The following GRM5 variants were observed in gnomAD, a reference collection of about 807,000 sequenced individuals.
The protein encoded by GRM5 is metabotropic glutamate receptor 5.
In GRM5, 19 loss-of-function variants were observed where a neutral mutation model predicts 83.1. The ratio of observed to expected loss-of-function variants is 0.23; its 90% CI spans 0.16 to 0.34. The LOEUF is 0.34. GRM5 is among the 10% of genes least tolerant of loss of function. The pLI, the probability that GRM5 is intolerant of heterozygous loss-of-function variation, is 1.00. For synonymous variants in GRM5, 675 were observed against 633.6 expected, an observed-to-expected ratio of 1.07 and a Z score of -0.98; for missense variants, 1,160 against 1,588.3, an observed-to-expected ratio of 0.73 and a Z score of 4.58.
At chr11:88,850,245 A>G in intron 2 of GRM5, 90 bp from the exon 3 acceptor site, 1 of 747,062 alleles carries the variant, frequency 1.3e-6, no homozygotes, top group East Asian at 2.6e-5. Flanking sequence ...TAGGAGCATG[A>G]AAGTCATTGG....
At chr11:88,572,044 G>A in intron 7 of GRM5, among the ~76,000 whole-genome samples, 1 of 152,182 alleles carries the variant, frequency 6.6e-6, no homozygotes, top group South Asian at 2.1e-4. Context: ...TAGCAATACT[G>A]TTAACTAAGA....
intron 2 of GRM5, among the ~76,000 whole-genome samples, chr11:89,008,793 G>A (rs575149519): frequency 6.6e-6 from 1 of 152,166 alleles, no homozygotes; most frequent in African/African-American, 2.4e-5. Flanking sequence ...CCATCCATAA[G>A]TAATGATTTA....
chr11:88,865,722 A>G (rs564973286), intron 2 of GRM5, among the ~76,000 whole-genome samples: 4 of 152,048 alleles, frequency 2.6e-5, no homozygotes, highest in African/African-American at 7.2e-5. Flanking sequence ...AGAAAAAAAA[A>G]CAACCCCATG....
intron 8 of GRM5, among the ~76,000 whole-genome samples, chr11:88,565,196 G>C (rs967667424): frequency 3.3e-5 from 5 of 152,196 alleles, no homozygotes; most frequent in African/African-American, 4.8e-5. Context: ...GCTAAGTGAT[G>C]CTGCCAGTAT....
intron 5 of GRM5, among the ~76,000 whole-genome samples, chr11:88,603,742 C>T (rs1938064176): frequency 6.6e-6 from 1 of 152,140 alleles, no homozygotes; most frequent in Admixed American, 6.5e-5. Flanking sequence ...TAAGCTCCAG[C>T]TCATCTTAGA....
At chr11:88,671,696 T>A (rs1940197899) in intron 3 of GRM5, among the ~76,000 whole-genome samples, 1 of 152,068 alleles carries the variant, frequency 6.6e-6, no homozygotes, top group South Asian at 2.1e-4. Context: ...CATATTCCAC[T>A]TACATAAAAT....
intron 3 of GRM5, among the ~76,000 whole-genome samples, chr11:88,796,818 C>T (rs1365611748): frequency 6.6e-6 from 1 of 151,688 alleles, no homozygotes; most frequent in Non-Finnish European, 1.5e-5. Context: ...ATATTGTTCT[C>T]TAGGGAAGAT....
chr11:88,874,869 T>C (rs1470540013), intron 2 of GRM5, among the ~76,000 whole-genome samples: 1 of 151,900 alleles, frequency 6.6e-6, no homozygotes, highest in African/African-American at 2.4e-5. Context: ...TGCTATAACA[T>C]TAGGTTTAAA....
At chr11:88,698,786 G>T (rs920081505) in intron 3 of GRM5, among the ~76,000 whole-genome samples, 2 of 152,152 alleles carry the variant, frequency 1.3e-5, no homozygotes, top group Admixed American at 6.6e-5. Context: ...TCTTGGCATT[G>T]CTCCTGGTAC....
intron 2 of GRM5, among the ~76,000 whole-genome samples, chr11:88,979,875 C>G (rs1939470260): frequency 6.6e-6 from 1 of 151,838 alleles, no homozygotes; most frequent in Admixed American, 6.6e-5. Context: ...TTTTTAAACA[C>G]TGTTGCTGTT....
chr11:88,596,617 C>G (rs1198375998), intron 6 of GRM5, among the ~76,000 whole-genome samples: 1 of 152,050 alleles, frequency 6.6e-6, no homozygotes, highest in Non-Finnish European at 1.5e-5. Context: ...TGTTCTCTCC[C>G]TGAAATCATA....
chr11:88,963,794 G>T (rs560684264), intron 2 of GRM5, among the ~76,000 whole-genome samples: 18 of 152,158 alleles, frequency 1.2e-4, no homozygotes, highest in South Asian at 2.1e-4. Flanking sequence ...AGTAAGAGAG[G>T]CTGTGAAGAT....
intron 2 of GRM5, among the ~76,000 whole-genome samples, chr11:88,980,301 A>C (rs1939481072): frequency 6.6e-6 from 1 of 152,198 alleles, no homozygotes; most frequent in Non-Finnish European, 1.5e-5. Flanking sequence ...AACAAAAAAT[A>C]AATTATATCT....
At chr11:88,643,633 G>A (rs1354411) in intron 4 of GRM5, among the ~76,000 whole-genome samples, 125,268 of 152,128 alleles carry the variant, frequency 0.82, 54,093 homozygotes, top group Non-Finnish European at 0.97. Context: ...TTAATGTGGT[G>A]CAAGGATGAG....
chr11:88,992,337 G>C (rs1209614199), intron 2 of GRM5, among the ~76,000 whole-genome samples: 6 of 151,852 alleles, frequency 4.0e-5, no homozygotes, highest in Non-Finnish European at 7.4e-5. Flanking sequence ...ATACCAGTTA[G>C]AATGGTGATC....
At chr11:88,854,069 T>TAC (rs1193177257) in intron 2 of GRM5, among the ~76,000 whole-genome samples, 12 of 148,846 alleles carry the variant, frequency 8.1e-5, no homozygotes, top group African/African-American at 2.0e-4. Flanking sequence ...TATATATATA[T>TAC]ATATATATAC....
intron 2 of GRM5, among the ~76,000 whole-genome samples, chr11:88,895,825 T>C (rs1945220558): frequency 6.6e-6 from 1 of 151,978 alleles, no homozygotes; most frequent in Non-Finnish European, 1.5e-5. Flanking sequence ...TGTGATCAAA[T>C]GTAATTCAAC....
intron 8 of GRM5, among the ~76,000 whole-genome samples, chr11:88,534,612 T>C (rs1431933022): frequency 6.6e-6 from 1 of 152,344 alleles, no homozygotes; most frequent in East Asian, 1.9e-4. Flanking sequence ...GGAGTTGCCT[T>C]GTCTTGGAAG....
intron 4 of GRM5, among the ~76,000 whole-genome samples, chr11:88,615,860 C>T (rs1938463558): frequency 6.6e-6 from 1 of 152,096 alleles, no homozygotes; most frequent in Non-Finnish European, 1.5e-5. Flanking sequence ...CATCTATCTT[C>T]ACTCCCTCCA....
Sources: gnomAD v4.1 joint callset for allele counts (sites outside exome capture counted in the v4.1 genomes callset) on GRCh38, gnomAD v4.1.1 for gene constraint, MANE v1.5 for transcripts, NCBI Gene and HGNC (gene_info 2026-07-23, HGNC 2026-07-21) for gene names.